Variants in ERC1 observed in about 807,000 individuals in gnomAD.
The protein encoded by ERC1 is ELKS/RAB6-interacting/CAST family member 1.
Under a neutral mutation model 132.0 loss-of-function variants are expected in ERC1, and 56 were observed. That is an observed-to-expected ratio of 0.42 (90% CI 0.34 to 0.53). ERC1 has a LOEUF of 0.53. ERC1 is among the 20% of genes least tolerant of loss of function. ERC1 has a pLI of 0.03. For synonymous variants in ERC1, 478 were observed against 476.1 expected (o/e 1.00, Z -0.05); for missense variants, 1,202 against 1,349.9 (o/e 0.89, Z 1.72).
chr12:1,334,992 G>A (rs945386856), intron 15 of ERC1, among the ~76,000 whole-genome samples: 4 of 152,054 alleles, frequency 2.6e-5, no homozygotes, highest in Non-Finnish European at 4.4e-5. Context: ...TTTCAGGCAC[G>A]TGTAAATGGA....
rs563059986 is a variant in ERC1, at chr12:1,491,558, G to A, written c.*1328G>A. The A allele has an allele frequency of 1.3e-5, 3 of 228,454 alleles. No homozygotes were observed. In the South Asian group the frequency reaches 5.6e-4, roughly 42 times the overall value. 14.2% of individuals were successfully genotyped at this position (228,454 alleles called of 1,614,324 possible). A position where few individuals can be genotyped will look rare whatever the true frequency, so the allele number is the denominator to read the frequency against. On this transcript the variant is annotated 3_prime_UTR_variant, in exon 19 of 19. Transcript: ENST00000360905. ...CTTCCCCTCCCCGATCTTAAGGTGT[G>A]TTTTCTAGAAAAGTTCCCTAATGGA...
intron 16 of ERC1, among the ~76,000 whole-genome samples, chr12:1,405,205 G>C (rs1034869559): frequency 6.8e-5 from 10 of 146,258 alleles, no homozygotes; most frequent in Non-Finnish European, 1.0e-4. Context: ...ATAAAATTGG[G>C]GGGAACACAA....
chr12:1,046,361 AG>A (rs1971083446), intron 2 of ERC1, among the ~76,000 whole-genome samples: 1 of 152,238 alleles, frequency 6.6e-6, no homozygotes, highest in Admixed American at 6.5e-5. Context: ...TTCCTACAGG[AG>A]TTGTACATCC....
intron 18 of ERC1, among the ~76,000 whole-genome samples, chr12:1,450,107 A>T (rs59993152): frequency 6.6e-6 from 1 of 152,140 alleles, no homozygotes; most frequent in African/African-American, 2.4e-5. Context: ...ATATTATAAA[A>T]GCCATAGTAC....
intron 16 of ERC1, among the ~76,000 whole-genome samples, chr12:1,394,993 T>C (rs902934161): frequency 6.6e-6 from 1 of 152,252 alleles, no homozygotes; most frequent in South Asian, 2.1e-4. Context: ...TCTTTAGATA[T>C]GGTGTTGAGT....
At chr12:1,165,152 A>G (rs1247762076) in intron 8 of ERC1, among the ~76,000 whole-genome samples, 4 of 152,184 alleles carry the variant, frequency 2.6e-5, no homozygotes, top group South Asian at 2.1e-4. Flanking sequence ...AATTAATGCT[A>G]CTTACTGATT....
At chr12:1,453,931 G>T (rs1213856423) in intron 18 of ERC1, among the ~76,000 whole-genome samples, 1 of 152,040 alleles carries the variant, frequency 6.6e-6, no homozygotes, top group Non-Finnish European at 1.5e-5. Context: ...GGAATCCCCT[G>T]AGTGATGCGT....
intron 12 of ERC1, among the ~76,000 whole-genome samples, chr12:1,199,469 T>C (rs1956688422): frequency 6.7e-6 from 1 of 149,384 alleles, no homozygotes; most frequent in Admixed American, 6.6e-5. Flanking sequence ...CAACTGACTT[T>C]GTTAAAAAAA....
At chr12:1,421,430 C>T (rs2092424347) in intron 17 of ERC1, among the ~76,000 whole-genome samples, 2 of 152,056 alleles carry the variant, frequency 1.3e-5, no homozygotes, top group African/African-American at 2.4e-5. Flanking sequence ...GGCTAAGGAA[C>T]GGGTACTGCT....
chr12:1,332,380 C>T (rs1303051529), intron 15 of ERC1, among the ~76,000 whole-genome samples: 1 of 152,198 alleles, frequency 6.6e-6, no homozygotes, highest in Non-Finnish European at 1.5e-5. Context: ...GTGTTTCCTA[C>T]AGCCTTAGTT....
Position 1,426,926 on chromosome 12 carries a change from A to C in ERC1, c.3025-17636A>C, listed in dbSNP as rs186335916. ...GTATCAAAACCTTTGGAATTCCTTC[A>C]AAACAGCTGTGTCTGCCCTCCTTCT... On this transcript the variant is annotated intron_variant, in intron 17 of 18. Coordinates refer to ENST00000360905, the MANE Select transcript of ERC1 (RefSeq NM_178040.4). 1.5e-3 allele frequency among the ~76,000 whole-genome samples: 230 copies of C among 152,254 alleles called. 4 individuals carry two copies. The highest frequency in any genetic ancestry group is 0.014 in the Admixed American group (212 of 15,276).
At chr12:1,117,609 T>C (rs1946588548) in intron 7 of ERC1, among the ~76,000 whole-genome samples, 1 of 152,198 alleles carries the variant, frequency 6.6e-6, no homozygotes, top group African/African-American at 2.4e-5. Flanking sequence ...TTCCTTACAC[T>C]TCACTTTTCA....
chr12:1,476,315 G>T (rs2093974249), intron 18 of ERC1, among the ~76,000 whole-genome samples: 1 of 151,628 alleles, frequency 6.6e-6, no homozygotes, highest in South Asian at 2.1e-4. Flanking sequence ...TAGCTACTCG[G>T]GAAGCTGATG....
intron 1 of ERC1, among the ~76,000 whole-genome samples, chr12:1,009,871 G>A (rs902100789): frequency 6.6e-6 from 1 of 152,116 alleles, no homozygotes; most frequent in African/African-American, 2.4e-5. Flanking sequence ...AATATGCAAT[G>A]TAATATGATA....
At chr12:1,004,531 C>T (rs971751271) in intron 1 of ERC1, among the ~76,000 whole-genome samples, 3 of 150,970 alleles carry the variant, frequency 2.0e-5, no homozygotes, top group Non-Finnish European at 4.4e-5. Context: ...CTCAGCCTCC[C>T]AAGTAGCTGG....
chr12:1,096,607 G>A (rs913988819), intron 3 of ERC1, among the ~76,000 whole-genome samples: 1 of 152,164 alleles, frequency 6.6e-6, no homozygotes, highest in African/African-American at 2.4e-5. Context: ...CGAGTTTGTC[G>A]TTTTAAGGCA....
At chr12:1,394,062 A>G (rs1436913028) in intron 16 of ERC1, among the ~76,000 whole-genome samples, 1 of 146,536 alleles carries the variant, frequency 6.8e-6, no homozygotes, top group African/African-American at 2.5e-5. Flanking sequence ...GCATTAAGCA[A>G]TTTAATTTCT....
At chr12:1,442,868 C>T (rs570751574) in intron 17 of ERC1, among the ~76,000 whole-genome samples, 2 of 152,198 alleles carry the variant, frequency 1.3e-5, no homozygotes, top group South Asian at 4.2e-4. Flanking sequence ...AAAGACTTGG[C>T]AGGAAAATTT....
chr12:1,455,929 G>A (rs2093524150), intron 18 of ERC1, among the ~76,000 whole-genome samples: 1 of 152,222 alleles, frequency 6.6e-6, no homozygotes, highest in South Asian at 2.1e-4. Flanking sequence ...GACGGAGTGG[G>A]AAAGTTCGAT....
Sources: allele counts gnomAD v4.1 joint callset (sites outside exome capture counted in the v4.1 genomes callset), GRCh38; gene constraint gnomAD v4.1.1; transcripts MANE v1.5; gene names NCBI Gene and HGNC (gene_info 2026-07-23, HGNC 2026-07-21).